Variants in IPCEF1 observed in about 807,000 individuals in gnomAD.
IPCEF1 encodes the protein interactor protein for cytohesin exchange factors 1.
IPCEF1 carries 31 observed loss-of-function variants against 50.9 expected under a neutral mutation model. The observed-to-expected ratio is 0.61, with a 90% CI of 0.46 to 0.82. The LOEUF (loss-of-function observed/expected upper bound fraction) is 0.82. Ranked by LOEUF, IPCEF1 falls within the 40% of genes least tolerant of loss-of-function variation. The pLI is 0.00. For synonymous variants in IPCEF1, 181 were observed against 192.0 expected, an observed-to-expected ratio of 0.94 and a Z score of 0.47; for missense variants, 458 against 514.0, an observed-to-expected ratio of 0.89 and a Z score of 1.05.
intron 10 of IPCEF1, among the ~76,000 whole-genome samples, chr6:154,169,776 C>A (rs957641365): frequency 1.3e-5 from 2 of 152,220 alleles, no homozygotes; most frequent in Admixed American, 6.5e-5. Flanking sequence ...AATGGCAGTT[C>A]CACCATTCTG....
chr6:154,346,551 T>G (rs1784033325), intron 1 of IPCEF1, among the ~76,000 whole-genome samples: 1 of 152,224 alleles, frequency 6.6e-6, no homozygotes, highest in African/African-American at 2.4e-5. Flanking sequence ...TATGCTGCTA[T>G]GAAGAAATAC....
At chr6:154,334,382 T>C (rs1221644640) in intron 1 of IPCEF1, among the ~76,000 whole-genome samples, 3 of 152,200 alleles carry the variant, frequency 2.0e-5, no homozygotes, top group Non-Finnish European at 4.4e-5. Flanking sequence ...GTGGAAGGGT[T>C]ACAGTACATG....
At chr6:154,193,945 A>C (rs1481428699) in intron 10 of IPCEF1, among the ~76,000 whole-genome samples, 1 of 137,620 alleles carries the variant, frequency 7.3e-6, no homozygotes, top group Non-Finnish European at 1.6e-5. Context: ...GATGTCCAAC[A>C]TAACAGACTT....
intron 9 of IPCEF1, among the ~76,000 whole-genome samples, chr6:154,202,567 C>A (rs549780489): frequency 5.9e-5 from 9 of 152,300 alleles, no homozygotes; most frequent in Non-Finnish European, 1.3e-4. Context: ...ACCAAATAAG[C>A]TTTTCCTCTT....
At chr6:154,356,525 A>G (rs192502057) in intron 1 of IPCEF1, 147 bp downstream of exon 1, 2 of 152,352 alleles carry the variant, frequency 1.3e-5, no homozygotes, top group African/African-American at 4.8e-5. Flanking sequence ...TTCCCAGATT[A>G]CAGAGAGCTG....
chr6:154,220,144 G>T (rs1778748478), intron 7 of IPCEF1, among the ~76,000 whole-genome samples: 1 of 152,106 alleles, frequency 6.6e-6, no homozygotes, highest in Non-Finnish European at 1.5e-5. Context: ...AGTAAAACAG[G>T]TTAAGCGTAA....
intron 3 of IPCEF1, among the ~76,000 whole-genome samples, chr6:154,260,932 A>C (rs1029340755): frequency 4.6e-5 from 7 of 152,218 alleles, no homozygotes; most frequent in African/African-American, 1.7e-4. Context: ...AACTTTATCA[A>C]TATCAAGGAC....
At chr6:154,251,736 T>G (rs1178056718) in intron 3 of IPCEF1, among the ~76,000 whole-genome samples, 1 of 151,984 alleles carries the variant, frequency 6.6e-6, no homozygotes, top group Non-Finnish European at 1.5e-5. Context: ...GTGGCGAAGA[T>G]GGATACCACG....
At chr6:154,272,903 G>A (rs1346526237) in intron 2 of IPCEF1, among the ~76,000 whole-genome samples, 1 of 152,008 alleles carries the variant, frequency 6.6e-6, no homozygotes, top group Admixed American at 6.6e-5. Flanking sequence ...TTCCACTAAG[G>A]GGATTTATTC....
chr6:154,277,833 T>C (rs1386744828), intron 2 of IPCEF1, among the ~76,000 whole-genome samples: 1 of 152,206 alleles, frequency 6.6e-6, no homozygotes, highest in Non-Finnish European at 1.5e-5. Context: ...GTTGCTTTTT[T>C]CTTGCTTTTA....
intron 1 of IPCEF1, among the ~76,000 whole-genome samples, chr6:154,346,109 C>A (rs954793156): frequency 3.3e-5 from 5 of 152,120 alleles, no homozygotes; most frequent in South Asian, 2.1e-4. Flanking sequence ...AGCTCATGCC[C>A]TCTGCCCACC....
At chr6:154,170,843 G>A (rs970562376) in intron 10 of IPCEF1, among the ~76,000 whole-genome samples, 1 of 152,164 alleles carries the variant, frequency 6.6e-6, no homozygotes, top group Non-Finnish European at 1.5e-5. Flanking sequence ...TTGTTAGTGG[G>A]AATGTAAAAC....
At chr6:154,185,732 G>A (rs1257276160) in intron 10 of IPCEF1, among the ~76,000 whole-genome samples, 1 of 151,912 alleles carries the variant, frequency 6.6e-6, no homozygotes, top group Admixed American at 6.6e-5. Context: ...AACTGTCTTG[G>A]GCTACACATA....
At chr6:154,195,147 C>CTTT (rs10719288) in intron 10 of IPCEF1, among the ~76,000 whole-genome samples, 23 of 122,896 alleles carry the variant, frequency 1.9e-4, no homozygotes, top group Non-Finnish European at 2.7e-4. Flanking sequence ...TCTTTTCTTT[C>CTTT]TTTTTTTTTT....
intron 5 of IPCEF1, among the ~76,000 whole-genome samples, chr6:154,230,322 G>A (rs933282730): frequency 1.1e-4 from 17 of 152,062 alleles, no homozygotes; most frequent in Non-Finnish European, 2.2e-4. Flanking sequence ...GAGTATGGGC[G>A]GGGATCATAT....
chr6:154,215,555 G>A (rs1190762881), intron 7 of IPCEF1, among the ~76,000 whole-genome samples: 1 of 152,020 alleles, frequency 6.6e-6, no homozygotes, highest in Non-Finnish European at 1.5e-5. Context: ...GCAATGAGCC[G>A]AGATCATGCC....
At chr6:154,355,060 G>T (rs1395280137) in intron 1 of IPCEF1, among the ~76,000 whole-genome samples, 1 of 150,544 alleles carries the variant, frequency 6.6e-6, no homozygotes, top group African/African-American at 2.5e-5. Context: ...TGCCACATTA[G>T]ACCTACTTGC....
At position 154,158,344 on chromosome 6, in the gene IPCEF1, G is replaced by T. The variant is rs374424604; in HGVS notation, c.*1484C>A. The T allele has an allele frequency of 2.6e-5, 4 of 152,314 alleles. No homozygotes were observed. The East Asian group carries it at 7.7e-4, about 29-fold the overall frequency. 9.4% of individuals were successfully genotyped at this position (152,314 alleles called of 1,614,324 possible). On this transcript the variant is annotated 3_prime_UTR_variant, in exon 12 of 12. Coordinates refer to ENST00000367220, the MANE Select transcript of IPCEF1 (RefSeq NM_001130700.2). ...ATATTCATGGTGATTAGTAAGGGAA[G>T]ACTTTCATATTGTTTCTCTATAGCT...
intron 3 of IPCEF1, among the ~76,000 whole-genome samples, chr6:154,258,984 C>T (rs540119759): frequency 6.6e-6 from 1 of 152,304 alleles, no homozygotes; most frequent in South Asian, 2.1e-4. Flanking sequence ...AAGCATGATG[C>T]CTTCCTATGT....
Sources: gnomAD v4.1 joint callset for allele counts (sites outside exome capture counted in the v4.1 genomes callset) on GRCh38, gnomAD v4.1.1 for gene constraint, MANE v1.5 for transcripts, NCBI Gene and HGNC (gene_info 2026-07-23, HGNC 2026-07-21) for gene names.